The following SLC2A9 variants were observed in gnomAD, a reference collection of about 807,000 sequenced individuals.
SLC2A9 encodes solute carrier family 2, facilitated glucose transporter member 9.
In SLC2A9, 39 loss-of-function variants were observed where a neutral mutation model predicts 50.6. The observed-to-expected ratio is 0.77, with a 90% confidence interval of 0.60 to 1.01. The LOEUF (loss-of-function observed/expected upper bound fraction) is 1.01. SLC2A9 is among the 50% of genes least tolerant of loss of function. The probability of loss-of-function intolerance (pLI) is 0.00; values close to 1 mark genes in which losing one functional copy is unlikely to be tolerated. For missense variants in SLC2A9, 686 were observed against 677.6 expected, an observed-to-expected ratio of 1.01 and a Z score of -0.14; for synonymous variants, 324 against 276.9, an observed-to-expected ratio of 1.17 and a Z score of -1.69.
intron 3 of SLC2A9, among the ~76,000 whole-genome samples, chr4:9,780,927 G>T (rs970482385): frequency 6.6e-6 from 1 of 152,152 alleles, no homozygotes; most frequent in African/African-American, 2.4e-5. Flanking sequence ...CCAACTCTAT[G>T]GGGGTGGGGG....
chr4:10,038,900 T>A (rs1464881309), intron 1 of SLC2A9, among the ~76,000 whole-genome samples: 1 of 152,180 alleles, frequency 6.6e-6, no homozygotes, highest in Non-Finnish European at 1.5e-5. Flanking sequence ...AGGATCAACA[T>A]TTTTCTTAAA....
intron 3 of SLC2A9, among the ~76,000 whole-genome samples, chr4:9,800,830 A>G (rs1404157845): frequency 1.3e-5 from 2 of 152,190 alleles, no homozygotes; most frequent in African/African-American, 2.4e-5. Context: ...GCCATTTTAT[A>G]TCAGGGACTT....
At chr4:9,779,093 T>A (rs972395764), downstream of SLC2A9, among the ~76,000 whole-genome samples, 11 of 152,122 alleles carry the variant, frequency 7.2e-5, no homozygotes, top group African/African-American at 2.7e-4. Context: ...TAAACGACTA[T>A]TATTAACTCA....
At chr4:9,935,645 T>A (rs968617818) in intron 6 of SLC2A9, among the ~76,000 whole-genome samples, 1 of 152,198 alleles carries the variant, frequency 6.6e-6, no homozygotes, top group South Asian at 2.1e-4. Context: ...GCACCTGCTA[T>A]GTGGAAGAAC....
At chr4:9,985,279 G>A (rs6849962) in intron 4 of SLC2A9, among the ~76,000 whole-genome samples, 14,538 of 152,114 alleles carry the variant, frequency 0.096, 1,014 homozygotes, top group East Asian at 0.39. Context: ...AATGCCTGGC[G>A]AGTAAATGAA....
intron 5 of SLC2A9, among the ~76,000 whole-genome samples, chr4:9,956,603 G>A (rs1397926370): frequency 2.6e-5 from 4 of 152,198 alleles, no homozygotes; most frequent in African/African-American, 4.8e-5. Context: ...CGTTCACATA[G>A]AGGCTGGGTG....
chr4:9,995,754 T>C (rs1046674223), intron 3 of SLC2A9: 3 of 152,234 alleles, frequency 2.0e-5, no homozygotes, highest in Non-Finnish European at 4.4e-5. Flanking sequence ...TCTTGTAACA[T>C]TCCCTGCAGG....
chr4:9,987,491 ATT>A, intron 3 of SLC2A9, among the ~76,000 whole-genome samples: 1 of 152,106 alleles, frequency 6.6e-6, no homozygotes, highest in African/African-American at 2.4e-5. Context: ...TTTACGGCTT[ATT>A]TTTTTTCCTA....
rs138563049 is a variant in SLC2A9 at position 9,818,142 on chromosome 4, G to A, written n.420+8278C>T. On this transcript the variant is annotated intron_variant and non_coding_transcript_variant, in intron 3 of 3. Coordinates refer to the SLC2A9 transcript ENST00000503280. ...GCACTCCAGAGATGGATGCTGGGTC[G>A]TGGATGACCCTAGCCATGCTGAGCG... Among the ~76,000 whole-genome samples, 521 of 152,240 alleles carry A rather than the reference G, an allele frequency of 3.4e-3. 3 individuals are homozygous for A. The highest frequency in any genetic ancestry group is 0.011 in the African/African-American group (455 of 41,538).
chr4:9,889,593 C>T (rs113715552), intron 9 of SLC2A9, among the ~76,000 whole-genome samples: 9 of 152,296 alleles, frequency 5.9e-5, no homozygotes, highest in African/African-American at 2.2e-4. Flanking sequence ...GCGTGCTTGC[C>T]AGCCCCACCT....
At chr4:9,839,213 G>T (rs550749753) in intron 10 of SLC2A9, among the ~76,000 whole-genome samples, 37 of 152,258 alleles carry the variant, frequency 2.4e-4, no homozygotes, top group African/African-American at 8.4e-4. Flanking sequence ...CATACATGTG[G>T]TTAAAAATCA....
chr4:9,824,453 C>A (rs79095673), downstream of SLC2A9, among the ~76,000 whole-genome samples: 4,168 of 152,256 alleles, frequency 0.027, 67 homozygotes, highest in Middle Eastern at 0.041. Flanking sequence ...TATTGCCTGA[C>A]AGTCATAGTG....
chr4:10,015,632 T>G (rs1762493562), intron 2 of SLC2A9, among the ~76,000 whole-genome samples: 1 of 152,092 alleles, frequency 6.6e-6, no homozygotes, highest in African/African-American at 2.4e-5. Flanking sequence ...CATGGTGGGA[T>G]GAGTATCTTG....
At chr4:9,861,915 T>A in intron 10 of SLC2A9, among the ~76,000 whole-genome samples, 1 of 152,236 alleles carries the variant, frequency 6.6e-6, no homozygotes, top group South Asian at 2.1e-4. Context: ...TGGCTTCCCA[T>A]GGTATTGAAA....
intron 6 of SLC2A9, among the ~76,000 whole-genome samples, chr4:9,936,746 G>C (rs1445215771): frequency 6.6e-6 from 1 of 152,202 alleles, no homozygotes; most frequent in South Asian, 2.1e-4. Flanking sequence ...AGAGATGACA[G>C]GGAGAGGAAA....
At chr4:9,920,075 T>C (rs1051534370) in intron 7 of SLC2A9, among the ~76,000 whole-genome samples, 1 of 152,236 alleles carries the variant, frequency 6.6e-6, no homozygotes, top group Admixed American at 6.5e-5. Flanking sequence ...TAATATCAAT[T>C]TTTTAAAGAA....
At chr4:9,933,831 T>C (rs1238388803) in intron 6 of SLC2A9, among the ~76,000 whole-genome samples, 1 of 152,206 alleles carries the variant, frequency 6.6e-6, no homozygotes, top group Non-Finnish European at 1.5e-5. Context: ...ATGGTCCACC[T>C]GCACTCCTTG....
intron 6 of SLC2A9, among the ~76,000 whole-genome samples, chr4:9,941,356 C>A (rs1413389472): frequency 6.6e-6 from 1 of 152,162 alleles, no homozygotes; most frequent in Non-Finnish European, 1.5e-5. Flanking sequence ...TTATTTTTCT[C>A]CCCTGTAAAA....
chr4:9,789,842 A>G (rs1304943022), intron 3 of SLC2A9, among the ~76,000 whole-genome samples: 1 of 152,192 alleles, frequency 6.6e-6, no homozygotes, highest in Non-Finnish European at 1.5e-5. Flanking sequence ...AACACTCAGA[A>G]TATTGTTCTG....
Sources: gnomAD v4.1 joint callset for allele counts (sites outside exome capture counted in the v4.1 genomes callset) on GRCh38, gnomAD v4.1.1 for gene constraint, MANE v1.5 for transcripts, NCBI Gene and HGNC (gene_info 2026-07-23, HGNC 2026-07-21) for gene names.